Variants in COG5 observed in about 807,000 individuals in gnomAD.
COG5 encodes component of oligomeric golgi complex 5.
A neutral mutation model predicts 110.4 loss-of-function variants in COG5; 86 were observed. The observed-to-expected ratio is 0.78, with a 90% CI of 0.65 to 0.93. The LOEUF (loss-of-function observed/expected upper bound fraction) is 0.93. Ranked by LOEUF, COG5 falls within the 40% of genes least tolerant of loss-of-function variation. COG5 has a pLI of 0.00. For synonymous variants in COG5, 360 were observed against 334.6 expected, an observed-to-expected ratio of 1.08 and a Z score of -0.83; for missense variants, 1,077 against 987.0, an observed-to-expected ratio of 1.09 and a Z score of -1.22.
chr7:107,557,323 C>G (rs1380921075), intron 2 of COG5, among the ~76,000 whole-genome samples: 1 of 152,120 alleles, frequency 6.6e-6, no homozygotes, highest in Non-Finnish European at 1.5e-5. Flanking sequence ...AAAGGCAACA[C>G]TAGAAATTAT....
intron 5 of COG5, among the ~76,000 whole-genome samples, chr7:107,528,073 C>A (rs1800900094): frequency 6.6e-6 from 1 of 151,872 alleles, no homozygotes. Flanking sequence ...AAACTTCTCT[C>A]AATTTCATTA....
At chr7:107,491,541 G>GA (rs1797975247) in intron 6 of COG5, among the ~76,000 whole-genome samples, 1 of 151,986 alleles carries the variant, frequency 6.6e-6, no homozygotes, top group South Asian at 2.1e-4. Flanking sequence ...CTTCTCCCAG[G>GA]AAAAAATATG....
At chr7:107,367,179 T>C (rs1225057390) in intron 8 of COG5, among the ~76,000 whole-genome samples, 1 of 152,064 alleles carries the variant, frequency 6.6e-6, no homozygotes, top group African/African-American at 2.4e-5. Context: ...AAAGAAAGTG[T>C]AAATAAAAAT....
chr7:107,434,766 C>A (rs1472262690), intron 6 of COG5, among the ~76,000 whole-genome samples: 4 of 151,842 alleles, frequency 2.6e-5, no homozygotes, highest in African/African-American at 7.3e-5. Flanking sequence ...GTCAGGAGAT[C>A]AAGACCATCC....
intron 5 of COG5, among the ~76,000 whole-genome samples, chr7:107,544,940 A>T (rs1205809080): frequency 6.6e-6 from 1 of 152,204 alleles, no homozygotes; most frequent in Non-Finnish European, 1.5e-5. Flanking sequence ...AGAAACAGAA[A>T]CCATAAGAAT....
intron 12 of COG5, among the ~76,000 whole-genome samples, chr7:107,291,167 C>T (rs1806139697): frequency 6.6e-6 from 1 of 152,204 alleles, no homozygotes; most frequent in Admixed American, 6.5e-5. Flanking sequence ...CTCTCCTCTC[C>T]TTGTGGTATT....
intron 11 of COG5, among the ~76,000 whole-genome samples, chr7:107,306,294 C>G (rs75860332): frequency 6.6e-6 from 1 of 152,056 alleles, no homozygotes; most frequent in Non-Finnish European, 1.5e-5. Context: ...AAGTCATTTG[C>G]CCCAAGTTAA....
chr7:107,361,746 GA>G (rs1813136190), intron 10 of COG5, among the ~76,000 whole-genome samples: 1 of 152,164 alleles, frequency 6.6e-6, no homozygotes. Context: ...ATTTTTATTA[GA>G]GACAGAATTT....
chr7:107,387,674 C>A (rs996973104), intron 7 of COG5, among the ~76,000 whole-genome samples: 1 of 152,118 alleles, frequency 6.6e-6, no homozygotes, highest in Non-Finnish European at 1.5e-5. Flanking sequence ...AGTTAAAAAC[C>A]GGATGATAAA....
intron 5 of COG5, among the ~76,000 whole-genome samples, chr7:107,539,180 C>CA (rs1046594318): frequency 9.9e-5 from 15 of 152,164 alleles, no homozygotes; most frequent in Admixed American, 3.3e-4. Context: ...CTCAGCTACT[C>CA]AAGAGGCTGC....
At chr7:107,302,854 C>T (rs1051171165) in intron 11 of COG5, among the ~76,000 whole-genome samples, 5 of 152,174 alleles carry the variant, frequency 3.3e-5, no homozygotes, top group Non-Finnish European at 5.9e-5. Flanking sequence ...CATGTCATAT[C>T]ACCCTATAAT....
chr7:107,557,483 T>C (rs565330928), intron 2 of COG5, among the ~76,000 whole-genome samples: 1 of 152,332 alleles, frequency 6.6e-6, no homozygotes, highest in South Asian at 2.1e-4. Flanking sequence ...CTTTAAGTGA[T>C]ATTAAAGTCA....
intron 5 of COG5, among the ~76,000 whole-genome samples, chr7:107,540,495 T>C (rs1055420681): frequency 6.6e-6 from 1 of 151,300 alleles, no homozygotes; most frequent in African/African-American, 2.4e-5. Flanking sequence ...GGAGGATTGC[T>C]TGAGCCCAGC....
At chr7:107,517,542 C>T (rs966579566) in intron 6 of COG5, among the ~76,000 whole-genome samples, 5 of 152,044 alleles carry the variant, frequency 3.3e-5, no homozygotes, top group African/African-American at 1.2e-4. Context: ...GACATATAAT[C>T]ATCAGATTCT....
intron 6 of COG5, among the ~76,000 whole-genome samples, chr7:107,492,163 T>C (rs1337989993): frequency 2.0e-5 from 2 of 98,696 alleles, no homozygotes; most frequent in East Asian, 5.4e-4. Flanking sequence ...AAAACAACAA[T>C]GGGTAGTGTG....
intron 14 of COG5, among the ~76,000 whole-genome samples, chr7:107,259,455 G>A (rs1204497063): frequency 2.0e-5 from 3 of 152,106 alleles, no homozygotes; most frequent in Non-Finnish European, 2.9e-5. Context: ...ACTAACAGAA[G>A]CTCTGACCTC....
intron 7 of COG5, among the ~76,000 whole-genome samples, chr7:107,405,171 C>T (rs73187365): frequency 0.011 from 1,625 of 152,262 alleles, 14 homozygotes; most frequent in Non-Finnish European, 0.018. Flanking sequence ...AGTTAATTTC[C>T]TAACCTTTCC....
At chr7:107,323,487 C>T (rs752036448) in intron 11 of COG5, among the ~76,000 whole-genome samples, 20 of 152,210 alleles carry the variant, frequency 1.3e-4, no homozygotes, top group African/African-American at 2.4e-4. Context: ...GCCGAGATCA[C>T]GTGACTGCAC....
chr7:107,510,078 T>A (rs1224229234), intron 6 of COG5, among the ~76,000 whole-genome samples: 1 of 151,022 alleles, frequency 6.6e-6, no homozygotes, highest in Admixed American at 6.6e-5. Context: ...ATGGGCTAAA[T>A]GCTCCAATTA....
Sources: allele counts gnomAD v4.1 joint callset (sites outside exome capture counted in the v4.1 genomes callset), GRCh38; gene constraint gnomAD v4.1.1; transcripts MANE v1.5; gene names NCBI Gene and HGNC (gene_info 2026-07-23, HGNC 2026-07-21).